The following ABCG1 variants were observed in gnomAD, a reference collection of about 807,000 sequenced individuals.
ABCG1 encodes ATP binding cassette subfamily G member 1, also known as ATP-binding cassette sub-family G member 1.
In ABCG1, 29 loss-of-function variants were observed where a neutral mutation model predicts 69.2. The ratio of observed to expected loss-of-function variants is 0.42; its 90% CI spans 0.31 to 0.57. ABCG1 has a LOEUF of 0.57. Among genes scored for constraint, ABCG1 ranks in the 20% least tolerant of loss-of-function variants. The pLI is 0.15. For synonymous variants in ABCG1, 370 were observed against 374.8 expected (o/e 0.99, Z 0.15); for missense variants, 718 against 898.1 (o/e 0.80, Z 2.56).
intron 2 of ABCG1, 47 bp from the exon 3 acceptor site, chr21:42,271,023 T>G: frequency 7.7e-7 from 1 of 1,292,406 alleles, no homozygotes; most frequent in Non-Finnish European, 1.0e-6. Flanking sequence ...ATTTACTGCA[T>G]TAGAGATAAA....
At chr21:42,212,677 G>T (rs1031346528), upstream of ABCG1, among the ~76,000 whole-genome samples, 4 of 151,984 alleles carry the variant, frequency 2.6e-5, no homozygotes, top group South Asian at 8.3e-4. Context: ...GGTAAAATGT[G>T]AGAAGGGAAG....
rs200178684 is a variant in ABCG1 at position 42,241,329 on chromosome 21, T to TA, written c.286+15421dup. Reference sequence around the variant, plus strand: ...ATCAGAGTGTGTTTCTGTGAGGAGTTAAAAAATCCACAGGGCAGTAATCCC... The same window carrying TA: ...ATCAGAGTGTGTTTCTGTGAGGAGTTAAAAAAATCCACAGGGCAGTAATCCC... On this transcript the variant is annotated intron_variant, in intron 2 of 14. Coordinates refer to ENST00000398449, the MANE Select transcript of ABCG1 (RefSeq NM_016818.3). Among the ~76,000 whole-genome samples the TA allele has an allele frequency of 5.9e-3, 897 of 152,206 alleles. 7 individuals are homozygous for TA. Among genetic ancestry groups the TA allele is most frequent in the African/African-American group, 0.02 (830 of 41,530 alleles).
At chr21:42,294,106 A>G (rs748424172) in intron 13 of ABCG1, among the ~76,000 whole-genome samples, 4 of 152,104 alleles carry the variant, frequency 2.6e-5, no homozygotes, top group African/African-American at 4.8e-5. Flanking sequence ...GGAGGTGCTG[A>G]CAGGCAGGCG....
chr21:42,251,423 A>G (rs541861955), intron 2 of ABCG1, among the ~76,000 whole-genome samples: 1 of 152,326 alleles, frequency 6.6e-6, no homozygotes, highest in Admixed American at 6.5e-5. Context: ...AGTTGTCTTA[A>G]GTCTGAAGAT....
chr21:42,268,948 C>T (rs1384759302), intron 2 of ABCG1, among the ~76,000 whole-genome samples: 2 of 152,154 alleles, frequency 1.3e-5, no homozygotes, highest in African/African-American at 4.8e-5. Context: ...GGGTCAGCCC[C>T]AGGCACTGTC....
chr21:42,294,849 C>G, intron 14 of ABCG1, 189 bp downstream of exon 14: 2 of 584,074 alleles, frequency 3.4e-6, no homozygotes, highest in Middle Eastern at 4.7e-4. Flanking sequence ...CACACACACA[C>G]TAAACAAGGA....
At chr21:42,216,713 G>A (rs931649828), upstream of ABCG1, among the ~76,000 whole-genome samples, 5 of 152,288 alleles carry the variant, frequency 3.3e-5, no homozygotes, top group Admixed American at 6.5e-5. Flanking sequence ...ACTGCACTCC[G>A]AACCTTTCTG....
At chr21:42,243,999 T>G (rs977114223) in intron 2 of ABCG1, among the ~76,000 whole-genome samples, 11 of 151,864 alleles carry the variant, frequency 7.2e-5, no homozygotes, top group Non-Finnish European at 1.5e-4. Context: ...TTTGTATTTT[T>G]TAGTAAAGAC....
At chr21:42,214,959 T>C (rs915658755), upstream of ABCG1, among the ~76,000 whole-genome samples, 5 of 152,110 alleles carry the variant, frequency 3.3e-5, no homozygotes, top group African/African-American at 7.2e-5. Flanking sequence ...CTCCATGAAA[T>C]GGGGAGGTGT....
At chr21:42,256,502 G>C (rs2068308159) in intron 2 of ABCG1, 2 of 1,549,856 alleles carry the variant, frequency 1.3e-6, no homozygotes, top group Non-Finnish European at 1.7e-6. Flanking sequence ...TGTGGCTCCA[G>C]GTCACCTGCG....
intron 11 of ABCG1, 116 bp from the exon 12 acceptor site, chr21:42,290,976 T>A (rs750445752): frequency 1.4e-6 from 1 of 709,500 alleles, no homozygotes; most frequent in East Asian, 2.7e-5. Context: ...AATCTCTCAG[T>A]GCCCTAGGCC....
At chr21:42,214,158 T>C (rs1164532270), upstream of ABCG1, among the ~76,000 whole-genome samples, 1 of 152,230 alleles carries the variant, frequency 6.6e-6, no homozygotes, top group Non-Finnish European at 1.5e-5. Flanking sequence ...ATTAATACTC[T>C]GATAGTACTA....
chr21:42,205,018 G>GTTGTTT (rs1555944769), intron 2 of ABCG1, among the ~76,000 whole-genome samples: 4 of 135,252 alleles, frequency 3.0e-5, no homozygotes, highest in African/African-American at 1.1e-4. Flanking sequence ...TGTTTTTGTT[G>GTTGTTT]TTTTTTTTTT....
chr21:42,288,705 T>C lies in ABCG1; in HGVS notation c.1224+393T>C, dbSNP rs2068996971. 7.4e-6 allele frequency among the ~76,000 whole-genome samples: 1 copy of C among 135,088 alleles called. No homozygotes were observed. The highest frequency in any genetic ancestry group is 8.3e-5 in the Admixed American group (1 of 12,020). The allele number at this position is 135,088 out of a possible 152,430, so 88.6% of individuals were successfully genotyped here. ...CCTGGGTGACAGAGAGAGACTCCCA[T>C]CTGAAAAAGAAAGAAAGGAAAGAAA... On this transcript the variant is annotated intron_variant, in intron 10 of 14. Coordinates refer to ENST00000398449, the MANE Select transcript of ABCG1 (RefSeq NM_016818.3). The surrounding 1 kb of genome is among the most constrained non-coding windows in gnomAD (Gnocchi z 4.8).
chr21:42,246,254 G>A (rs1170601368), intron 2 of ABCG1, among the ~76,000 whole-genome samples: 1 of 152,232 alleles, frequency 6.6e-6, no homozygotes, highest in Non-Finnish European at 1.5e-5. Context: ...TAGATATAAA[G>A]CCATTTCTCA....
At chr21:42,260,913 C>T (rs2068397922) in intron 2 of ABCG1, among the ~76,000 whole-genome samples, 1 of 152,120 alleles carries the variant, frequency 6.6e-6, no homozygotes, top group African/African-American at 2.4e-5. Flanking sequence ...CCTCCGCCTC[C>T]CTCGTTCAAG....
intron 2 of ABCG1, among the ~76,000 whole-genome samples, chr21:42,242,608 G>T (rs185659636): frequency 7.2e-5 from 11 of 152,202 alleles, no homozygotes; most frequent in Admixed American, 6.5e-5. Context: ...TGAGGAGGGC[G>T]GAAGGAGCAT....
intron 14 of ABCG1, 80 bp downstream of exon 14, chr21:42,294,740 C>A: frequency 9.0e-5 from 113 of 1,255,726 alleles, no homozygotes; most frequent in Middle Eastern, 2.0e-4. Context: ...GAGGGGCTCA[C>A]AAAAGCCACT....
intron 5 of ABCG1, among the ~76,000 whole-genome samples, chr21:42,280,307 A>G (rs1230436036): frequency 6.6e-6 from 1 of 152,218 alleles, no homozygotes; most frequent in Non-Finnish European, 1.5e-5. Context: ...ATGGGATGGA[A>G]TGTTCTAGAA....
Sources: gnomAD v4.1 joint callset for allele counts (sites outside exome capture counted in the v4.1 genomes callset) on GRCh38, gnomAD v4.1.1 for gene constraint, Gnocchi (gnomAD v3.1) non-coding constraint, MANE v1.5 for transcripts, NCBI Gene and HGNC (gene_info 2026-07-23, HGNC 2026-07-21) for gene names.